TUSC3: variants seen among roughly 807,000 people sequenced by gnomAD.
TUSC3 encodes the protein tumor suppressor candidate 3, also known as dolichyl-diphosphooligosaccharide--protein glycosyltransferase subunit TUSC3.
In TUSC3, 45 loss-of-function variants were observed where a neutral mutation model predicts 44.8. That is an observed-to-expected ratio of 1.00 (90% confidence interval 0.79 to 1.29). The LOEUF (loss-of-function observed/expected upper bound fraction) is 1.29, where lower values mean the gene tolerates loss of function less well. Among genes scored for constraint, TUSC3 ranks in the 50% most tolerant of loss-of-function variants. TUSC3 has a pLI of 0.00. For synonymous variants in TUSC3, 212 were observed against 152.9 expected (o/e 1.39, Z -2.85); for missense variants, 519 against 437.9 (o/e 1.19, Z -1.65).
At chr8:15,654,120 A>C (rs1807041401) in intron 3 of TUSC3, among the ~76,000 whole-genome samples, 1 of 152,156 alleles carries the variant, frequency 6.6e-6, no homozygotes, top group African/African-American at 2.4e-5. Context: ...GAATTCTATG[A>C]GTTTTTAAGA....
At chr8:15,454,811 G>C (rs1800235720) in intron 1 of TUSC3, among the ~76,000 whole-genome samples, 1 of 152,100 alleles carries the variant, frequency 6.6e-6, no homozygotes, top group South Asian at 2.1e-4. Context: ...TTTAATCAAT[G>C]ATTTATATAA....
chr8:15,738,967 G>C (rs758232951), intron 7 of TUSC3, among the ~76,000 whole-genome samples: 5 of 151,132 alleles, frequency 3.3e-5, no homozygotes, highest in Non-Finnish European at 1.5e-5. Context: ...TGAGCAGCTG[G>C]CACCACAGGC....
the TUSC3 span, among the ~76,000 whole-genome samples, chr8:15,850,022 C>T: frequency 6.6e-6 from 1 of 151,932 alleles, no homozygotes; most frequent in Non-Finnish European, 1.5e-5. Flanking sequence ...CTTCCTCTGT[C>T]TCCTCGGGGG....
intron 2 of TUSC3, among the ~76,000 whole-genome samples, chr8:15,490,430 C>G (rs1800792537): frequency 6.6e-6 from 1 of 152,114 alleles, no homozygotes; most frequent in South Asian, 2.1e-4. Flanking sequence ...ACCACCACTA[C>G]CATCATCACC....
chr8:15,424,607 G>A (rs962188897), intron 1 of TUSC3, among the ~76,000 whole-genome samples: 1 of 152,184 alleles, frequency 6.6e-6, no homozygotes, highest in Non-Finnish European at 1.5e-5. Flanking sequence ...GTGGCTGGAT[G>A]CGGTGGCTTA....
intron 1 of TUSC3, among the ~76,000 whole-genome samples, chr8:15,566,159 C>G (rs545098788): frequency 2.0e-5 from 3 of 152,232 alleles, no homozygotes; most frequent in Admixed American, 6.5e-5. Context: ...TCAGAAGATG[C>G]TACAGTTTCC....
chr8:15,741,667 A>G (rs1250678057), intron 7 of TUSC3, among the ~76,000 whole-genome samples: 1 of 152,150 alleles, frequency 6.6e-6, no homozygotes, highest in Non-Finnish European at 1.5e-5. Context: ...AGCCTGGGCT[A>G]CAAAGTGAAA....
intron 1 of TUSC3, among the ~76,000 whole-genome samples, chr8:15,542,742 G>A (rs1285815237): frequency 6.6e-6 from 1 of 152,060 alleles, no homozygotes; most frequent in Non-Finnish European, 1.5e-5. Context: ...GAAAAATTAG[G>A]GAGAACATTG....
the TUSC3 span, among the ~76,000 whole-genome samples, chr8:15,776,591 G>T: frequency 6.6e-6 from 1 of 152,010 alleles, no homozygotes; most frequent in African/African-American, 2.4e-5. Context: ...TAATTTTTAA[G>T]TTTTAAAATC....
intron 6 of TUSC3, among the ~76,000 whole-genome samples, chr8:15,676,744 A>T (rs1199117833): frequency 6.6e-6 from 1 of 152,220 alleles, no homozygotes; most frequent in Non-Finnish European, 1.5e-5. Flanking sequence ...AATTAAGAAA[A>T]TCATCCAGCT....
At chr8:15,663,317 T>G (rs907921566) in intron 5 of TUSC3, among the ~76,000 whole-genome samples, 6 of 151,808 alleles carry the variant, frequency 4.0e-5, no homozygotes, top group African/African-American at 1.5e-4. Context: ...AAAATGTTAT[T>G]ATATTAAAGA....
chr8:15,813,249 C>G, the TUSC3 span, among the ~76,000 whole-genome samples: 1 of 152,220 alleles, frequency 6.6e-6, no homozygotes, highest in South Asian at 2.1e-4. Context: ...CAGTGTGGAA[C>G]TAGACTGATT....
chr8:15,445,624 T>C (rs910182113), intron 1 of TUSC3, among the ~76,000 whole-genome samples: 1 of 152,166 alleles, frequency 6.6e-6, no homozygotes, highest in Non-Finnish European at 1.5e-5. Context: ...CAGAGAGCAC[T>C]GGGTTGGGGG....
chr8:15,658,484 TA>T (rs1807268169), intron 3 of TUSC3, among the ~76,000 whole-genome samples: 1 of 152,114 alleles, frequency 6.6e-6, no homozygotes. Flanking sequence ...TGATCTAATG[TA>T]TATTTATATA....
intron 6 of TUSC3, among the ~76,000 whole-genome samples, chr8:15,723,973 G>A (rs1810403457): frequency 6.6e-6 from 1 of 152,150 alleles, no homozygotes; most frequent in South Asian, 2.1e-4. Context: ...AAAGTCAGAT[G>A]TTGAAGCCTT....
At chr8:15,846,288 C>G in the TUSC3 span, among the ~76,000 whole-genome samples, 2 of 152,112 alleles carry the variant, frequency 1.3e-5, no homozygotes, top group Admixed American at 6.6e-5. Flanking sequence ...GTTCACATGC[C>G]TCAGTTTTTC....
At chr8:15,610,090 T>C (rs888516622) in intron 1 of TUSC3, among the ~76,000 whole-genome samples, 4 of 152,174 alleles carry the variant, frequency 2.6e-5, no homozygotes, top group African/African-American at 4.8e-5. Flanking sequence ...TGGAAATTTT[T>C]AAGGTATATT....
At chr8:15,659,393 C>G (rs1585202107) in intron 3 of TUSC3, 114 bp from the exon 4 acceptor site, 2 of 1,361,836 alleles carry the variant, frequency 1.5e-6, no homozygotes, top group East Asian at 5.0e-5. Flanking sequence ...TGGAAAACCA[C>G]TTGGATTTTC....
rs571362917 is a variant in TUSC3 at position 15,426,168 on chromosome 8, A to G, written n.91+8863A>G. ...TTGATATGCAAACATTTGTTATCCC[A>G]TCATCACAATCAAGGTAACAGTCAT... On this transcript the variant is annotated intron_variant and non_coding_transcript_variant, in intron 1 of 5. Coordinates refer to the TUSC3 transcript ENST00000503191. 5.3e-5 allele frequency among the ~76,000 whole-genome samples: 8 copies of G among 152,354 alleles called. No homozygotes were observed. In the East Asian group the frequency reaches 1.5e-3, roughly 29 times the overall value.
Sources: gnomAD v4.1 joint callset for allele counts (sites outside exome capture counted in the v4.1 genomes callset) on GRCh38, gnomAD v4.1.1 for gene constraint, MANE v1.5 for transcripts, NCBI Gene and HGNC (gene_info 2026-07-23, HGNC 2026-07-21) for gene names.